HMGCS1: variants seen among roughly 807,000 people sequenced by gnomAD.
HMGCS1 encodes the protein hydroxymethylglutaryl-CoA synthase, cytoplasmic.
HMGCS1 carries 9 observed loss-of-function variants against 52.3 expected under a neutral mutation model. That is an observed-to-expected ratio of 0.17 (90% CI 0.10 to 0.30). The LOEUF (loss-of-function observed/expected upper bound fraction) is 0.30, where lower values mean the gene tolerates loss of function less well. HMGCS1 is among the 10% of genes least tolerant of loss of function. The pLI, the probability that HMGCS1 is intolerant of heterozygous loss-of-function variation, is 1.00. For synonymous variants in HMGCS1, 176 were observed against 214.4 expected, an observed-to-expected ratio of 0.82 and a Z score of 1.57; for missense variants, 320 against 620.9, an observed-to-expected ratio of 0.52 and a Z score of 5.15.
At position 43,307,449 on chromosome 5, in the gene HMGCS1, T is replaced by C. The variant is rs58388598; in HGVS notation, c.-11+317A>G. The stretch of plus-strand genomic sequence containing the variant: ...GAGGCCATAATTTAAAAAGCACTAA[T>C]GGCAGTCATGTTTACCTCTGATTGT... On this transcript the variant is annotated intron_variant, in intron 2 of 10. Transcript: ENST00000325110. Among the ~76,000 whole-genome samples, 273 of 152,342 alleles carry C rather than the reference T, an allele frequency of 1.8e-3. 1 individual carries two copies. The highest frequency in any genetic ancestry group is 6.4e-3 in the African/African-American group (266 of 41,590).
At chr5:43,302,835 G>C (rs1192421771) in intron 2 of HMGCS1, among the ~76,000 whole-genome samples, 1 of 152,296 alleles carries the variant, frequency 6.6e-6, no homozygotes, top group Admixed American at 6.5e-5. Context: ...GATCTTGAAA[G>C]GAATGCTACA....
rs1283398115 is a variant in HMGCS1 at position 43,289,875 on chromosome 5, C to T, written c.*1256G>A. The T allele has an allele frequency of 6.6e-6, 1 of 152,522 alleles. No individual in the cohort carries two copies. The highest frequency in any genetic ancestry group is 1.5e-5 in the Non-Finnish European group (1 of 68,016). The allele number at this position is 152,522 out of a possible 1,614,324, so 9.4% of individuals were successfully genotyped here. A position where few individuals can be genotyped will look rare whatever the true frequency, so the allele number is the denominator to read the frequency against. On this transcript the variant is annotated 3_prime_UTR_variant, in exon 11 of 11. Coordinates refer to ENST00000325110, the MANE Select transcript of HMGCS1 (RefSeq NM_001098272.3). The stretch of plus-strand genomic sequence containing the variant: ...ATTTAGTTCTGTACATTAGTTCCAA[C>T]TATCCCTATTTTACAATCTATAAGG...
chr5:43,297,233 T>A, intron 4 of HMGCS1, 67 bp from the exon 5 acceptor site: 1 of 1,298,390 alleles, frequency 7.7e-7, no homozygotes, highest in East Asian at 2.3e-5. Flanking sequence ...TTAATAAGTA[T>A]ACTGCATTAT....
rs745431136 is a variant in HMGCS1 at position 43,292,838 on chromosome 5, A to G, written c.1309+10T>C. ...AATGGGTTAACTTAAAGAACATTTA[A>G]TATTTTTACCCAAATGATGGGTGTC... is the stretch of plus-strand genomic sequence containing the variant. On this transcript the variant is annotated intron_variant, in intron 9 of 10. Coordinates refer to ENST00000325110, the MANE Select transcript of HMGCS1 (RefSeq NM_001098272.3). 3 of 1,611,322 alleles carry G rather than the reference A, an allele frequency of 1.9e-6. No individual in the cohort carries two copies. The highest frequency in any genetic ancestry group is 2.5e-6 in the Non-Finnish European group (3 of 1,179,412).
At chr5:43,310,127 A>G (rs887456024) in intron 1 of HMGCS1, among the ~76,000 whole-genome samples, 1 of 152,246 alleles carries the variant, frequency 6.6e-6, no homozygotes, top group African/African-American at 2.4e-5. Context: ...CTTAGGAGCA[A>G]GCAAGTAAAA....
intron 2 of HMGCS1, among the ~76,000 whole-genome samples, chr5:43,304,139 A>C (rs1397053485): frequency 6.6e-6 from 1 of 152,242 alleles, no homozygotes; most frequent in Admixed American, 6.5e-5. Context: ...AGTCCACAAG[A>C]AAGAGCCCTA....
chr5:43,308,836 G>A (rs1754709611), intron 1 of HMGCS1, among the ~76,000 whole-genome samples: 1 of 151,692 alleles, frequency 6.6e-6, no homozygotes, highest in Non-Finnish European at 1.5e-5. Flanking sequence ...CATAATTTAA[G>A]AGCTCTTCAG....
intron 2 of HMGCS1, among the ~76,000 whole-genome samples, chr5:43,300,802 GAAAAA>G (rs34564699): frequency 8.3e-6 from 1 of 120,424 alleles, no homozygotes; most frequent in Non-Finnish European, 1.7e-5. Context: ...ATAGAGAAAG[GAAAAA>G]AAAAAAAAAA....
In HMGCS1 at chr5:43,291,092, G is replaced by GC; in HGVS notation, c.*38dup. ...AACTGTTCCCATACCCCCACCCCAT[G>GC]CCCACCCCACCCTGAAGTCTTGCAC... On this transcript the variant is annotated 3_prime_UTR_variant, in exon 11 of 11. Coordinates refer to ENST00000325110, the MANE Select transcript of HMGCS1 (RefSeq NM_001098272.3). 4 of 477,548 alleles carry GC rather than the reference G, an allele frequency of 8.4e-6. No homozygotes were observed. The highest frequency in any genetic ancestry group is 4.8e-5 in the East Asian group (1 of 21,016). The allele number at this position is 477,548 out of a possible 1,614,324, so 29.6% of individuals were successfully genotyped here.
chr5:43,297,976 A>G (rs1317541854), intron 4 of HMGCS1, 33 bp downstream of exon 4: 4 of 1,592,714 alleles, frequency 2.5e-6, no homozygotes, highest in Non-Finnish European at 3.4e-6. Context: ...ATATTGTGCT[A>G]AAAAAAACAA....
At chr5:43,306,005 T>C (rs1229473493) in intron 2 of HMGCS1, among the ~76,000 whole-genome samples, 1 of 152,158 alleles carries the variant, frequency 6.6e-6, no homozygotes, top group African/African-American at 2.4e-5. Context: ...ACATTTTCTT[T>C]TTAAATTCTA....
rs544133089 is a variant in HMGCS1, at chr5:43,300,960, A to G, written c.-10-1985T>C. On this transcript the variant is annotated intron_variant, in intron 2 of 10. Coordinates refer to ENST00000325110, the MANE Select transcript of HMGCS1 (RefSeq NM_001098272.3). ...ATGGGAGACTTCCTTATCCTCTCGA[A>G]TATTCACTATTTTATGGGACAATAA... Among the ~76,000 whole-genome samples the G allele has an allele frequency of 9.8e-5, 15 of 152,302 alleles. No individual in the cohort carries two copies. The East Asian group carries it at 2.9e-3, about 29-fold the overall frequency.
intron 2 of HMGCS1, among the ~76,000 whole-genome samples, chr5:43,304,475 A>G (rs1754466366): frequency 6.6e-6 from 1 of 152,236 alleles, no homozygotes; most frequent in East Asian, 1.9e-4. Flanking sequence ...CACTGGCAAT[A>G]TATTTAATTA....
At chr5:43,295,528 G>T (rs956991749) in intron 6 of HMGCS1, among the ~76,000 whole-genome samples, 7 of 152,168 alleles carry the variant, frequency 4.6e-5, no homozygotes, top group Admixed American at 4.6e-4. Context: ...GGAGCTGAAA[G>T]AAATAAATCA....
rs1753829000 is a variant in HMGCS1 at position 43,292,542 on chromosome 5, G to A, written c.1405C>T (p.Arg469Cys). 6.2e-7 allele frequency: 1 copy of A among 1,613,900 alleles called. No individual in the cohort carries two copies. The highest frequency in any genetic ancestry group is 1.3e-5 in the African/African-American group (1 of 75,030). ...AAAGTGTCATCATTTGGAGTGGGAC[G>A]CCGAGCGTAAGTTCTTCTGTGCTTT... is the stretch of plus-strand genomic sequence containing the variant. ...DEKHRRTYAR[R>C]PTPNDDTLDE... Residue 469 changes from arginine to cysteine, a missense_variant, in exon 10 of 11, where the codon CGT becomes TGT. Transcript: ENST00000325110.
intron 5 of HMGCS1, among the ~76,000 whole-genome samples, chr5:43,296,234 C>T (rs1201654354): frequency 6.6e-6 from 1 of 151,928 alleles, no homozygotes; most frequent in Non-Finnish European, 1.5e-5. Flanking sequence ...AGAAAAATAG[C>T]AAACTGAATA....
At chr5:43,306,933 GA>G (rs1021883598) in intron 2 of HMGCS1, among the ~76,000 whole-genome samples, 5 of 152,056 alleles carry the variant, frequency 3.3e-5, no homozygotes, top group African/African-American at 1.2e-4. Flanking sequence ...ACACCCATAG[GA>G]AATCATAATC....
At chr5:43,299,891 C>A (rs1333630470) in intron 2 of HMGCS1, among the ~76,000 whole-genome samples, 1 of 152,116 alleles carries the variant, frequency 6.6e-6, no homozygotes, top group East Asian at 1.9e-4. Context: ...ATAGATATTT[C>A]AAACAGAGGG....
Position 43,291,089 on chromosome 5 carries a change from CAT to C in HMGCS1, c.*40_*41del. The C allele has an allele frequency of 5.1e-6, 4 of 782,306 alleles. No individual in the cohort carries two copies. Among genetic ancestry groups the C allele is most frequent in the Non-Finnish European group, 7.0e-6 (3 of 430,316 alleles). The allele number at this position is 782,306 out of a possible 1,614,324, so 48.5% of individuals were successfully genotyped here. ...TCCAACTGTTCCCATACCCCCACCC[CAT>C]GCCCACCCCACCCTGAAGTCTTGCA... is the stretch of plus-strand genomic sequence containing the variant. On this transcript the variant is annotated 3_prime_UTR_variant, in exon 11 of 11. Coordinates refer to ENST00000325110, the MANE Select transcript of HMGCS1 (RefSeq NM_001098272.3).
Sources: gnomAD v4.1 joint callset for allele counts (sites outside exome capture counted in the v4.1 genomes callset) on GRCh38, gnomAD v4.1.1 for gene constraint, MANE v1.5 for transcripts, NCBI Gene and HGNC (gene_info 2026-07-23, HGNC 2026-07-21) for gene names.